SGCD: variants seen among roughly 807,000 people sequenced by gnomAD.
SGCD encodes delta-sarcoglycan.
SGCD carries 18 observed loss-of-function variants against 36.6 expected under a neutral mutation model. The ratio of observed to expected loss-of-function variants is 0.49; its 90% CI spans 0.34 to 0.73. The LOEUF (loss-of-function observed/expected upper bound fraction) is 0.73. SGCD is among the 30% of genes least tolerant of loss of function. The probability of loss-of-function intolerance (pLI) is 0.01; values close to 1 mark genes in which losing one functional copy is unlikely to be tolerated. For missense variants in SGCD, 387 were observed against 346.7 expected, an observed-to-expected ratio of 1.12 and a Z score of -0.92; for synonymous variants, 133 against 130.6, an observed-to-expected ratio of 1.02 and a Z score of -0.12.
At chr5:155,732,586 GTC>G in the SGCD span, among the ~76,000 whole-genome samples, 1 of 152,210 alleles carries the variant, frequency 6.6e-6, no homozygotes. Context: ...CCAGTCTGGA[GTC>G]TCAGTCCAGC....
At position 156,393,955 on chromosome 5, in the gene SGCD, A is replaced by AT. The variant is rs1290063425; in HGVS notation, c.192+49278_192+49279insT. 7 of 388,674 alleles carry AT rather than the reference A, an allele frequency of 1.8e-5. No individual in the cohort carries two copies. The East Asian group carries it at 5.1e-4, about 29-fold the overall frequency. The allele number at this position is 388,674 out of a possible 1,614,324, so 24.1% of individuals were successfully genotyped here. A position where few individuals can be genotyped will look rare whatever the true frequency, so the allele number is the denominator to read the frequency against. On this transcript the variant is annotated intron_variant, in intron 3 of 8. Transcript: ENST00000337851. ...GTAAGACCTGATTCTTTCCCTGAAA[A>AT]AGGCCACATTCTAAGCAGTAAAAGA...
the SGCD span, among the ~76,000 whole-genome samples, chr5:155,799,002 T>G: frequency 3.9e-5 from 6 of 152,332 alleles, no homozygotes; most frequent in Non-Finnish European, 8.8e-5. Flanking sequence ...GATTGTCCCT[T>G]TTCCTGTTAT....
intron 3 of SGCD, among the ~76,000 whole-genome samples, chr5:156,306,428 G>A (rs1323396709): frequency 1.3e-5 from 2 of 152,226 alleles, no homozygotes; most frequent in African/African-American, 4.8e-5. Flanking sequence ...GGCTTCCCCA[G>A]CCATGTGGAA....
chr5:156,188,893 T>C (rs1415615140), intron 3 of SGCD, among the ~76,000 whole-genome samples: 2 of 152,314 alleles, frequency 1.3e-5, no homozygotes, highest in East Asian at 3.9e-4. Context: ...ACAGAATTCC[T>C]CTTCTCCCCA....
chr5:156,403,240 G>T (rs1339189761), intron 3 of SGCD, among the ~76,000 whole-genome samples: 1 of 152,124 alleles, frequency 6.6e-6, no homozygotes, highest in Non-Finnish European at 1.5e-5. Context: ...GACAAGCCCA[G>T]GATCAGGTGG....
chr5:156,719,959 C>A (rs993840714), intron 7 of SGCD, among the ~76,000 whole-genome samples: 2 of 151,882 alleles, frequency 1.3e-5, no homozygotes, highest in Non-Finnish European at 2.9e-5. Context: ...CAAAGACTGA[C>A]CCAGAGAGAA....
chr5:156,541,713 C>G (rs1758354617), intron 4 of SGCD, among the ~76,000 whole-genome samples: 1 of 152,104 alleles, frequency 6.6e-6, no homozygotes. Flanking sequence ...ATTGTGCTAA[C>G]TTTGCATGTG....
chr5:156,179,620 C>A (rs1763555698), intron 3 of SGCD, among the ~76,000 whole-genome samples: 2 of 135,446 alleles, frequency 1.5e-5, no homozygotes, highest in Non-Finnish European at 3.2e-5. Context: ...AATTTTCCAA[C>A]TTTTTTTTTT....
rs115079759 is a variant in SGCD at position 156,472,074 on chromosome 5, A to G, written c.193-36527A>G. Among the ~76,000 whole-genome samples the G allele has an allele frequency of 8.3e-3, 1,268 of 152,308 alleles. 23 individuals are homozygous for G. The highest frequency in any genetic ancestry group is 0.029 in the African/African-American group (1,208 of 41,544). On this transcript the variant is annotated intron_variant, in intron 3 of 8. Coordinates refer to ENST00000337851, the MANE Select transcript of SGCD (RefSeq NM_000337.6). ...ACACCAACTAGGTAATTTTCCATAC[A>G]CTAGAACAGCTAAAATGGAAAGATT... is the stretch of plus-strand genomic sequence containing the variant.
chr5:156,447,502 A>G (rs1308614287), intron 3 of SGCD, among the ~76,000 whole-genome samples: 1 of 152,182 alleles, frequency 6.6e-6, no homozygotes, highest in African/African-American at 2.4e-5. Context: ...TGTGCCTCAT[A>G]GAATATAAAT....
At chr5:156,672,077 G>T (rs566561156) in intron 7 of SGCD, among the ~76,000 whole-genome samples, 6 of 152,132 alleles carry the variant, frequency 3.9e-5, no homozygotes, top group Non-Finnish European at 7.4e-5. Context: ...ATATAAATTT[G>T]AAAAGGATAA....
chr5:156,240,722 G>A (rs1422239087), intron 3 of SGCD, among the ~76,000 whole-genome samples: 2 of 152,090 alleles, frequency 1.3e-5, no homozygotes, highest in Non-Finnish European at 2.9e-5. Context: ...ATATGTTTTT[G>A]AGTTTTTGTT....
At chr5:156,133,165 A>C (rs1197567684) in intron 3 of SGCD, among the ~76,000 whole-genome samples, 1 of 152,210 alleles carries the variant, frequency 6.6e-6, no homozygotes, top group East Asian at 1.9e-4. Flanking sequence ...TTCAATTTCA[A>C]GTGAATTAGT....
Position 156,414,618 on chromosome 5 carries a change from A to C in SGCD, c.192+69941A>C, listed in dbSNP as rs372948546. On this transcript the variant is annotated intron_variant, in intron 3 of 8. Transcript: ENST00000337851. ...GCAGCCACAGACACTGTGTAAATAA[A>C]TGAGTGTGGCTGTATTCCAATAAAG... Among the ~76,000 whole-genome samples, 12 of 152,364 alleles carry C rather than the reference A, an allele frequency of 7.9e-5. No individual in the cohort carries two copies. The East Asian group carries it at 1.3e-3, about 17-fold the overall frequency.
At chr5:155,859,617 T>C in the SGCD span, among the ~76,000 whole-genome samples, 1 of 152,176 alleles carries the variant, frequency 6.6e-6, no homozygotes, top group East Asian at 1.9e-4. Flanking sequence ...TTTTTTGTTG[T>C]TGTTTTTGTT....
At chr5:156,197,643 CA>C (rs1283350904) in intron 3 of SGCD, among the ~76,000 whole-genome samples, 1 of 151,966 alleles carries the variant, frequency 6.6e-6, no homozygotes, top group Non-Finnish European at 1.5e-5. Context: ...CAAGAGTCAT[CA>C]GAAATTGTGG....
chr5:156,567,708 G>A (rs750271287), intron 4 of SGCD, among the ~76,000 whole-genome samples: 1 of 152,148 alleles, frequency 6.6e-6, no homozygotes. Context: ...GACAACGTGA[G>A]CTCAGAATAG....
intron 4 of SGCD, among the ~76,000 whole-genome samples, chr5:156,552,626 TAAG>T (rs1349462773): frequency 6.6e-6 from 1 of 152,116 alleles, no homozygotes; most frequent in Non-Finnish European, 1.5e-5. Context: ...CTACCAAGAA[TAAG>T]GGTCAGCTCA....
At chr5:156,088,662 G>C (rs941719078) in intron 1 of SGCD, among the ~76,000 whole-genome samples, 2 of 151,872 alleles carry the variant, frequency 1.3e-5, no homozygotes, top group African/African-American at 2.4e-5. Context: ...GCTATACTCG[G>C]CTAATTGTTT....
Sources: gnomAD v4.1 joint callset for allele counts (sites outside exome capture counted in the v4.1 genomes callset) on GRCh38, gnomAD v4.1.1 for gene constraint, MANE v1.5 for transcripts, NCBI Gene and HGNC (gene_info 2026-07-23, HGNC 2026-07-21) for gene names.